The following THOC2 variants were observed in gnomAD, a reference collection of about 807,000 sequenced individuals.
THOC2 encodes the protein THO complex subunit 2.
Under a neutral mutation model 128.4 loss-of-function variants are expected in THOC2, and 10 were observed. The ratio of observed to expected loss-of-function variants is 0.08; its 90% confidence interval spans 0.05 to 0.13. The LOEUF (loss-of-function observed/expected upper bound fraction) is 0.13. Among genes scored for constraint, THOC2 ranks in the 10% least tolerant of loss-of-function variants. The pLI is 1.00. For synonymous variants in THOC2, 393 were observed against 396.9 expected, an observed-to-expected ratio of 0.99 and a Z score of 0.12; for missense variants, 535 against 1,155.7, an observed-to-expected ratio of 0.46 and a Z score of 7.79.
rs142184236 is a variant in THOC2 at position 123,662,312 on chromosome X, C to T, written c.1386+3330G>A. On this transcript the variant is annotated intron_variant, in intron 12 of 38. Transcript: ENST00000245838. The stretch of plus-strand genomic sequence containing the variant: ...CCATAAAAGAAAAATACTGGCCAGG[C>T]GCGGTGGCTCATGCCTGTAATCCCA... Among the ~76,000 whole-genome samples, 566 of 110,839 alleles carry T rather than the reference C, an allele frequency of 5.1e-3. 5 individuals are homozygous for T. Among genetic ancestry groups the T allele is most frequent in the African/African-American group, 0.018 (544 of 30,424 alleles).
chrX:123,661,509 G>A (rs1007538294), intron 12 of THOC2, among the ~76,000 whole-genome samples: 2 of 110,864 alleles, frequency 1.8e-5, no homozygotes, highest in African/African-American at 6.6e-5. Context: ...GGGGGTGAGG[G>A]GGAATAAACA....
intron 25 of THOC2, 92 bp downstream of exon 25, chrX:123,625,820 C>T: frequency 1.0e-6 from 1 of 964,378 alleles, no homozygotes; most frequent in Non-Finnish European, 1.4e-6. Flanking sequence ...TGAGTTCATG[C>T]TTTTTAACTA....
intron 32 of THOC2, 60 bp from the exon 33 acceptor site, chrX:123,619,496 C>A: frequency 8.4e-7 from 1 of 1,193,476 alleles, no homozygotes. Flanking sequence ...CCCAGAGGAA[C>A]TTTGGGAAGT....
At chrX:123,625,306 G>C (rs2047228005) in intron 25 of THOC2, among the ~76,000 whole-genome samples, 1 of 110,520 alleles carries the variant, frequency 9.0e-6, no homozygotes, top group Non-Finnish European at 1.9e-5. Context: ...CACCATGTTA[G>C]CCAGGATGGT....
rs1396045950 is a variant in THOC2, at chrX:123,623,815, T to G, written c.3475A>C (p.Arg1159=). The change falls in exon 28 of 39, where the codon AGG becomes CGG. Residue 1159 remains arginine (R), a synonymous_variant. Coordinates refer to ENST00000245838, the MANE Select transcript of THOC2 (RefSeq NM_001081550.2). ...HKICQEEKEK[R]PDLYALAMGY... is the part of the protein sequence containing the mutation. The stretch of plus-strand genomic sequence containing the variant: ...ATAGCCAATGCATATAGATCTGGCC[T>G]CTTCTCTTTTTCTTCTTGGCAGATT... 1.7e-6 allele frequency: 2 copies of G among 1,209,689 alleles called. 1 individual carries two copies.
chrX:123,622,976 C>T (rs1376248756), intron 29 of THOC2, 116 bp from the exon 30 acceptor site: 7 of 839,164 alleles, frequency 8.3e-6, no homozygotes, highest in Non-Finnish European at 8.4e-6. Context: ...TACTTCTTAA[C>T]GCTTATATAC....
At chrX:123,725,934 AC>A (rs2051954279) in intron 1 of THOC2, among the ~76,000 whole-genome samples, 1 of 111,711 alleles carries the variant, frequency 9.0e-6, no homozygotes, top group African/African-American at 3.3e-5. Context: ...GGGGCCAGGC[AC>A]CGTGGCTCAC....
intron 8 of THOC2, among the ~76,000 whole-genome samples, chrX:123,672,767 A>G (rs1426349672): frequency 8.9e-6 from 1 of 112,186 alleles, no homozygotes; most frequent in Non-Finnish European, 1.9e-5. Context: ...AACACTGCTG[A>G]GGTCAGATGA....
intron 12 of THOC2, among the ~76,000 whole-genome samples, chrX:123,663,905 G>C (rs1342775715): frequency 9.0e-6 from 1 of 111,214 alleles, no homozygotes; most frequent in East Asian, 2.8e-4. Flanking sequence ...TGCTGAGAGT[G>C]ATGGTTTCCA....
At chrX:123,701,701 A>G (rs2050712125) in intron 4 of THOC2, among the ~76,000 whole-genome samples, 1 of 111,336 alleles carries the variant, frequency 9.0e-6, no homozygotes. Context: ...GCAAAAAAAA[A>G]AAAAGGTAAT....
At chrX:123,692,131 G>A (rs185255425) in intron 7 of THOC2, among the ~76,000 whole-genome samples, 112 of 111,853 alleles carry the variant, frequency 1.0e-3, no homozygotes, top group African/African-American at 3.4e-3. Flanking sequence ...TATTTAAAGT[G>A]TACAGCATGA....
intron 8 of THOC2, among the ~76,000 whole-genome samples, chrX:123,682,200 G>A (rs1012374698): frequency 2.0e-4 from 23 of 112,396 alleles, no homozygotes; most frequent in African/African-American, 6.5e-4. Flanking sequence ...TAAGTAATGG[G>A]GTTATAAGTA....
At chrX:123,680,676 C>A (rs774573065) in intron 8 of THOC2, among the ~76,000 whole-genome samples, 1 of 111,225 alleles carries the variant, frequency 9.0e-6, no homozygotes, top group East Asian at 2.8e-4. Context: ...TAAGAGACAT[C>A]TCAAACTTAA....
intron 8 of THOC2, among the ~76,000 whole-genome samples, chrX:123,685,464 G>T (rs2049964330): frequency 8.9e-6 from 1 of 111,972 alleles, no homozygotes; most frequent in Non-Finnish European, 1.9e-5. Context: ...ATGAAGAAAG[G>T]AGAAGTGAGA....
Position 123,623,276 on chromosome X carries a change from C to A in THOC2, c.3511G>T (p.Gly1171Trp). The A allele has an allele frequency of 8.4e-7, 1 of 1,187,476 alleles. No homozygotes were observed. The change falls in exon 29 of 39, where the codon GGG (glycine) becomes TGG (tryptophan). Residue 1171 changes from glycine to tryptophan, a missense_variant. Gly to Trp is a radical substitution (Grantham distance 184). Around this residue, in one of 9 missense-constraint regions of THOC2, gnomAD observed 20 missense variants for 67.0 expected, o/e 0.30. Transcript: ENST00000245838. ...TATGACTTTCTACTTTTCAACTGCC[C>A]AGAGTAGCTGAAAGTCGCACAAAGT... is the stretch of plus-strand genomic sequence containing the variant. The part of the protein sequence containing the change: ...DLYALAMGYS[G>W]QLKSRKSYMI...
intron 1 of THOC2, among the ~76,000 whole-genome samples, chrX:123,718,690 CAGAGATTGCAGTAA>C (rs2051540176): frequency 9.2e-6 from 1 of 108,955 alleles, no homozygotes; most frequent in South Asian, 4.0e-4. Context: ...ATCCAGGAGG[CAGAGATTGCAGTAA>C]GCCAAGATCG....
intron 38 of THOC2, among the ~76,000 whole-genome samples, chrX:123,604,830 G>A (rs1332153177): frequency 8.9e-6 from 1 of 111,798 alleles, no homozygotes; most frequent in Non-Finnish European, 1.9e-5. Context: ...CACTTCACAG[G>A]AAGCATCCCA....
intron 15 of THOC2, among the ~76,000 whole-genome samples, chrX:123,642,229 G>T (rs1230408539): frequency 5.4e-5 from 6 of 111,114 alleles, no homozygotes; most frequent in Non-Finnish European, 9.4e-5. Flanking sequence ...TTCGAGACCA[G>T]CCTGGCCAAC....
chrX:123,631,936 T>C, intron 21 of THOC2, 84 bp from the exon 22 acceptor site: 1 of 932,299 alleles, frequency 1.1e-6, no homozygotes, highest in Non-Finnish European at 1.5e-6. Context: ...CAATTAAGAA[T>C]CCAAATTTTA....
Sources: allele counts gnomAD v4.1 joint callset (sites outside exome capture counted in the v4.1 genomes callset), GRCh38; gene constraint gnomAD v4.1.1; regional missense constraint gnomAD v4.1.1; transcripts MANE v1.5; gene names NCBI Gene and HGNC (gene_info 2026-07-23, HGNC 2026-07-21).